CAPN14: variants seen among roughly 807,000 people sequenced by gnomAD.
CAPN14 encodes calpain 14, also known as calpain-14.
Under a neutral mutation model 101.3 loss-of-function variants are expected in CAPN14, and 94 were observed. The observed-to-expected ratio is 0.93, with a 90% CI of 0.79 to 1.10. The LOEUF is 1.10. Ranked by LOEUF, CAPN14 falls within the 50% of genes least tolerant of loss-of-function variation. The pLI is 0.00. For missense variants in CAPN14, 837 were observed against 828.4 expected, an observed-to-expected ratio of 1.01 and a Z score of -0.13; for synonymous variants, 338 against 317.9, an observed-to-expected ratio of 1.06 and a Z score of -0.67.
At chr2:31,179,385 A>G (rs9753207) in intron 17 of CAPN14, among the ~76,000 whole-genome samples, 50,751 of 151,924 alleles carry the variant, frequency 0.33, 10,065 homozygotes, top group African/African-American at 0.55. Context: ...CCATGTCCCT[A>G]TAAAGGACAT....
At chr2:31,183,464 T>C (rs1277151193) in intron 16 of CAPN14, among the ~76,000 whole-genome samples, 1 of 152,000 alleles carries the variant, frequency 6.6e-6, no homozygotes, top group Non-Finnish European at 1.5e-5. Flanking sequence ...ATCCAGAATC[T>C]ACAATGAACT....
intron 8 of CAPN14, among the ~76,000 whole-genome samples, chr2:31,196,639 A>G (rs1267234664): frequency 6.6e-6 from 1 of 152,006 alleles, no homozygotes; most frequent in Non-Finnish European, 1.5e-5. Context: ...TTAGGACTTG[A>G]CCTCCCTTTC....
At position 31,191,956 on chromosome 2, in the gene CAPN14, G is replaced by A. The variant is rs1017935151; in HGVS notation, c.1257C>T (p.Ala419=). 3 of 1,551,236 alleles carry A rather than the reference G, an allele frequency of 1.9e-6. No individual in the cohort carries two copies. Among genetic ancestry groups the A allele is most frequent in the Non-Finnish European group, 2.6e-6 (3 of 1,146,764 alleles). Residue 419 remains alanine, a synonymous_variant, in exon 11 of 22, where the codon GCC becomes GCT. Coordinates refer to ENST00000403897, the MANE Select transcript of CAPN14 (RefSeq NM_001145122.2). ...HRCRKRKPLL[A]IGFYLYRMNK... The stretch of plus-strand genomic sequence containing the variant: ...CTACCCTATACAGGTAGAAGCCAAT[G>A]GCGAGGAGAGGCTTCCGCTTGCGGC...
At chr2:31,231,458 T>C (rs1241675224) in intron 1 of CAPN14, among the ~76,000 whole-genome samples, 2 of 152,264 alleles carry the variant, frequency 1.3e-5, no homozygotes, top group Non-Finnish European at 2.9e-5. Flanking sequence ...ATATCTTTTG[T>C]CAGATTTATC....
intron 1 of CAPN14, among the ~76,000 whole-genome samples, chr2:31,232,374 A>G (rs1683221392): frequency 6.6e-6 from 1 of 152,126 alleles, no homozygotes; most frequent in Non-Finnish European, 1.5e-5. Flanking sequence ...CTCTTCTCCA[A>G]TCCCATTGCA....
At position 31,230,256 on chromosome 2, in the gene CAPN14, G is replaced by A. The variant is rs371793328; in HGVS notation, c.-177+3535C>T. ...ATGTGGCACATTTATCCATTTACTC[G>A]GTGAAGGACATTTAGTTGTTTATAA... On this transcript the variant is annotated intron_variant and NMD_transcript_variant, in intron 1 of 21. Transcript: ENST00000398824. The surrounding 1 kb of genome is among the most constrained non-coding windows in gnomAD (Gnocchi z 4.3). Among the ~76,000 whole-genome samples the A allele has an allele frequency of 3.3e-5, 5 of 152,078 alleles. No homozygotes were observed. The highest frequency in any genetic ancestry group is 5.9e-5 in the Non-Finnish European group (4 of 68,034).
rs73921566 is a variant in CAPN14, at chr2:31,181,281, C to T, written c.1646-281G>A. ...CTTTGTACCTAGGGAGGGCCAGGAT[C>T]ATAGAGTCAAACTCCCAAATCTCAA... is the stretch of plus-strand genomic sequence containing the variant. On this transcript the variant is annotated intron_variant, in intron 16 of 21. Transcript: ENST00000403897. Among the ~76,000 whole-genome samples the T allele has an allele frequency of 3.5e-3, 540 of 152,168 alleles. 2 individuals carry two copies. The highest frequency in any genetic ancestry group is 0.012 in the African/African-American group (516 of 41,520).
Position 31,202,147 on chromosome 2 carries a change from A to C in CAPN14, c.401T>G (p.Ile134Ser), listed in dbSNP as rs186983715. 6.4e-7 allele frequency: 1 copy of C among 1,551,860 alleles called. No individual in the cohort carries two copies. Among genetic ancestry groups the C allele is most frequent in the African/African-American group, 1.4e-5 (1 of 73,190 alleles). ...GAAGACACTCACCCAGAACCGGAAGATGCCAGCATACTTCTCAGTGAAACT... is the reference window on the plus strand; with the variant it reads ...GAAGACACTCACCCAGAACCGGAAGCTGCCAGCATACTTCTCAGTGAAACT... ...NQSFTEKYAGIFRFWFWHYGN... is the reference protein window; with the variant it reads ...NQSFTEKYAGSFRFWFWHYGN... Residue 134 changes from isoleucine (I) to serine (S), a missense_variant, in exon 4 of 22, where the codon ATC becomes AGC. By Grantham distance (142) the Ile-to-Ser change is moderately radical (BLOSUM62 -2). Transcript: ENST00000403897.
At chr2:31,210,672 T>C (rs890577375) in intron 1 of CAPN14, among the ~76,000 whole-genome samples, 1 of 152,214 alleles carries the variant, frequency 6.6e-6, no homozygotes, top group Non-Finnish European at 1.5e-5. Context: ...CACTACTCAA[T>C]GATAGTCATA....
At chr2:31,194,175 T>C (rs1681356108) in intron 9 of CAPN14, among the ~76,000 whole-genome samples, 1 of 152,228 alleles carries the variant, frequency 6.6e-6, no homozygotes, top group Non-Finnish European at 1.5e-5. Flanking sequence ...GGAAACAGCC[T>C]GGCTGAGCCC....
chr2:31,229,335 G>T (rs1683117675), intron 1 of CAPN14, among the ~76,000 whole-genome samples: 2 of 152,082 alleles, frequency 1.3e-5, no homozygotes. Flanking sequence ...ATATAATAAA[G>T]GAGCCAGGTG....
chr2:31,176,104 G>C (rs145324404), intron 21 of CAPN14, among the ~76,000 whole-genome samples: 2 of 152,306 alleles, frequency 1.3e-5, no homozygotes, highest in African/African-American at 4.8e-5. Context: ...TGCCAGATTG[G>C]AGCCTTGGTT....
At chr2:31,175,095 G>A (rs1197914477) in intron 21 of CAPN14, among the ~76,000 whole-genome samples, 1 of 152,152 alleles carries the variant, frequency 6.6e-6, no homozygotes, top group Non-Finnish European at 1.5e-5. Flanking sequence ...TGGGTTTGAT[G>A]AACAACCCCT....
At chr2:31,199,966 T>C (rs917287432) in intron 6 of CAPN14, among the ~76,000 whole-genome samples, 4 of 152,200 alleles carry the variant, frequency 2.6e-5, no homozygotes, top group African/African-American at 9.6e-5. Flanking sequence ...TCCTACTGCC[T>C]TGCCTGTCCT....
intron 21 of CAPN14, among the ~76,000 whole-genome samples, chr2:31,175,297 G>A (rs1680236472): frequency 6.6e-6 from 1 of 152,206 alleles, no homozygotes; most frequent in South Asian, 2.1e-4. Flanking sequence ...GTCAGAGCTG[G>A]AGGCAATCTC....
chr2:31,224,166 C>T (rs1410632700), intron 2 of CAPN14, among the ~76,000 whole-genome samples: 1 of 152,158 alleles, frequency 6.6e-6, no homozygotes, highest in Admixed American at 6.5e-5. Context: ...CAATAGAGAA[C>T]TCCTCAAACT....
chr2:31,233,235 ATGCT>A (rs1041839350), intron 1 of CAPN14, among the ~76,000 whole-genome samples: 1 of 152,182 alleles, frequency 6.6e-6, no homozygotes, highest in African/African-American at 2.4e-5. Context: ...AAAGCCTTTC[ATGCT>A]TGGCCTCCCT....
At chr2:31,191,513 G>C (rs1681177706) in intron 11 of CAPN14, 106 bp from the exon 12 acceptor site, 3 of 1,108,032 alleles carry the variant, frequency 2.7e-6, no homozygotes, top group African/African-American at 1.6e-5. Flanking sequence ...AATAGAAGCT[G>C]ATATACAAGG....
At chr2:31,201,200 TGTGTGTGTGC>T (rs1681758993) in intron 5 of CAPN14, among the ~76,000 whole-genome samples, 1 of 125,272 alleles carries the variant, frequency 8.0e-6, no homozygotes, top group African/African-American at 2.7e-5. Flanking sequence ...TGTGTGCATG[TGTGTGTGTGC>T]ATGTGTGTGT....
Sources: gnomAD v4.1 joint callset for allele counts (sites outside exome capture counted in the v4.1 genomes callset) on GRCh38, gnomAD v4.1.1 for gene constraint, Gnocchi (gnomAD v3.1) non-coding constraint, MANE v1.5 for transcripts, NCBI Gene and HGNC (gene_info 2026-07-23, HGNC 2026-07-21) for gene names.